ZMAT4: variants seen among roughly 807,000 people sequenced by gnomAD.
ZMAT4 encodes the protein zinc finger matrin-type 4.
In ZMAT4, 17 loss-of-function variants were observed where a neutral mutation model predicts 28.7. The ratio of observed to expected loss-of-function variants is 0.59; its 90% CI spans 0.41 to 0.89. The LOEUF is 0.89. Ranked by LOEUF, ZMAT4 falls within the 40% of genes least tolerant of loss-of-function variation. ZMAT4 has a pLI of 0.00. For missense variants in ZMAT4, 240 were observed against 283.8 expected (o/e 0.85, Z 1.11); for synonymous variants, 117 against 109.2 (o/e 1.07, Z -0.44).
At chr8:40,863,741 C>G (rs1409687674) in intron 1 of ZMAT4, among the ~76,000 whole-genome samples, 1 of 152,060 alleles carries the variant, frequency 6.6e-6, no homozygotes, top group Non-Finnish European at 1.5e-5. Flanking sequence ...CAAAATTACC[C>G]TCAAAATTAA....
At chr8:40,615,063 C>T (rs1479485703) in intron 5 of ZMAT4, among the ~76,000 whole-genome samples, 2 of 152,126 alleles carry the variant, frequency 1.3e-5, no homozygotes, top group Non-Finnish European at 2.9e-5. Context: ...GTGGCTGGTA[C>T]CAGTTGTTCC....
At chr8:40,623,503 C>T (rs1205568184) in intron 5 of ZMAT4, among the ~76,000 whole-genome samples, 2 of 152,158 alleles carry the variant, frequency 1.3e-5, no homozygotes, top group East Asian at 3.8e-4. Flanking sequence ...CAAGAGAAGC[C>T]AAGAAGTGAG....
At chr8:40,619,527 A>G (rs1381738535) in intron 5 of ZMAT4, among the ~76,000 whole-genome samples, 1 of 152,148 alleles carries the variant, frequency 6.6e-6, no homozygotes, top group East Asian at 1.9e-4. Flanking sequence ...TGGGAAATGC[A>G]GGAAAGGGCT....
intron 2 of ZMAT4, among the ~76,000 whole-genome samples, chr8:40,788,857 A>G (rs1814198765): frequency 1.3e-5 from 2 of 152,068 alleles, no homozygotes; most frequent in Non-Finnish European, 2.9e-5. Flanking sequence ...AAGGACATAT[A>G]CAATGAATAA....
chr8:40,616,175 A>C (rs1805999004), intron 5 of ZMAT4, among the ~76,000 whole-genome samples: 1 of 152,240 alleles, frequency 6.6e-6, no homozygotes, highest in South Asian at 2.1e-4. Context: ...TGCAAATCAA[A>C]ACCACAATGA....
At chr8:40,599,992 C>T (rs1488809980) in intron 5 of ZMAT4, among the ~76,000 whole-genome samples, 1 of 152,218 alleles carries the variant, frequency 6.6e-6, no homozygotes, top group East Asian at 1.9e-4. Flanking sequence ...CTAGCACAGT[C>T]TCATGTGTTG....
intron 2 of ZMAT4, among the ~76,000 whole-genome samples, chr8:40,783,536 A>C (rs898807721): frequency 5.9e-5 from 9 of 152,214 alleles, no homozygotes; most frequent in Non-Finnish European, 1.3e-4. Flanking sequence ...AATAACCATC[A>C]CCAAACTATA....
At chr8:40,815,361 T>C (rs192146313) in intron 2 of ZMAT4, among the ~76,000 whole-genome samples, 3 of 152,308 alleles carry the variant, frequency 2.0e-5, no homozygotes, top group South Asian at 2.1e-4. Flanking sequence ...CACAGCACCC[T>C]GTTTGGTTGC....
intron 3 of ZMAT4, among the ~76,000 whole-genome samples, chr8:40,742,876 G>C (rs1812071002): frequency 6.6e-6 from 1 of 152,012 alleles, no homozygotes; most frequent in African/African-American, 2.4e-5. Flanking sequence ...AATAATTAAG[G>C]AGAAATAACA....
chr8:40,841,733 G>A lies in ZMAT4; in HGVS notation c.-4-16053C>T, dbSNP rs115537016. ...CACTTTAGCCCGATAATAATAAACT[G>A]ATAAAATAACAAGATAAAATGCACT... On this transcript the variant is annotated intron_variant, in intron 1 of 6. Transcript: ENST00000297737. Among the ~76,000 whole-genome samples the A allele has an allele frequency of 8.1e-3, 1,231 of 152,264 alleles. 27 individuals carry two copies. The highest frequency in any genetic ancestry group is 0.028 in the African/African-American group (1,184 of 41,550).
intron 5 of ZMAT4, among the ~76,000 whole-genome samples, chr8:40,592,255 G>A (rs139645627): frequency 2.0e-4 from 31 of 152,256 alleles, no homozygotes; most frequent in African/African-American, 6.3e-4. Flanking sequence ...GAATGGGGGC[G>A]CATCCAATCT....
At chr8:40,675,407 G>A (rs1041036405) in intron 4 of ZMAT4, among the ~76,000 whole-genome samples, 5 of 151,802 alleles carry the variant, frequency 3.3e-5, no homozygotes, top group African/African-American at 1.2e-4. Context: ...CAATGAGCCA[G>A]GTAAAACTTG....
At chr8:40,855,039 G>A (rs188557235) in intron 1 of ZMAT4, among the ~76,000 whole-genome samples, 215 of 152,232 alleles carry the variant, frequency 1.4e-3, no homozygotes, top group South Asian at 3.3e-3. Flanking sequence ...AATGCATACT[G>A]TACACCAACA....
At chr8:40,708,806 C>T (rs1049928447) in intron 3 of ZMAT4, among the ~76,000 whole-genome samples, 1 of 151,586 alleles carries the variant, frequency 6.6e-6, no homozygotes, top group East Asian at 1.9e-4. Flanking sequence ...CGCACCACCG[C>T]GACAGCTAAT....
intron 3 of ZMAT4, among the ~76,000 whole-genome samples, chr8:40,729,601 T>G (rs5891117): frequency 1.5e-5 from 1 of 68,282 alleles, no homozygotes; most frequent in East Asian, 2.6e-4. Context: ...TTCTTTCTTT[T>G]TTTTTTTTTT....
chr8:40,576,777 C>G (rs754361290), intron 6 of ZMAT4, among the ~76,000 whole-genome samples: 6 of 152,150 alleles, frequency 3.9e-5, no homozygotes, highest in Non-Finnish European at 7.4e-5. Context: ...CAAACCTTAT[C>G]ACTACGAAAA....
At chr8:40,882,196 A>G (rs1465197643) in intron 1 of ZMAT4, among the ~76,000 whole-genome samples, 1 of 152,186 alleles carries the variant, frequency 6.6e-6, no homozygotes, top group Admixed American at 6.5e-5. Flanking sequence ...AGCTCAGGTT[A>G]GAGAGATCGA....
rs372079235 is a variant in ZMAT4 at position 40,792,473 on chromosome 8, CAGGAAGGAAGGAAGGAAGGA to C, written c.103-24763_103-24744del. ...CACATCCATACAATGGAATAGTATT[CAGGAAGGAAGGAAGGAAGGA>C]AGGAAGGAAGGAAGGAAGGAAGGAA... On this transcript the variant is annotated intron_variant, in intron 2 of 6. Coordinates refer to ENST00000297737, the MANE Select transcript of ZMAT4 (RefSeq NM_024645.3). Among the ~76,000 whole-genome samples, 24 of 14,520 alleles carry C rather than the reference CAGGAAGGAAGGAAGGAAGGA, an allele frequency of 1.7e-3. 1 individual carries two copies. The East Asian group carries it at 0.02, about 12-fold the overall frequency. 9.5% of individuals were successfully genotyped at this position (14,520 alleles called of 152,430 possible).
intron 6 of ZMAT4, among the ~76,000 whole-genome samples, chr8:40,561,032 A>G (rs2118467088): frequency 6.6e-6 from 1 of 152,290 alleles, no homozygotes; most frequent in South Asian, 2.1e-4. Context: ...GGCACTACAC[A>G]TATGATTCTA....
Sources: gnomAD v4.1 joint callset for allele counts (sites outside exome capture counted in the v4.1 genomes callset) on GRCh38, gnomAD v4.1.1 for gene constraint, MANE v1.5 for transcripts, NCBI Gene and HGNC (gene_info 2026-07-23, HGNC 2026-07-21) for gene names.